Variants in ANO10 observed in about 807,000 individuals in gnomAD.
ANO10 encodes anoctamin 10, also known as anoctamin-10.
ANO10 carries 77 observed loss-of-function variants against 74.7 expected under a neutral mutation model. The ratio of observed to expected loss-of-function variants is 1.03; its 90% CI spans 0.86 to 1.25. ANO10 has a LOEUF of 1.25. Among genes scored for constraint, ANO10 ranks in the 50% most tolerant of loss-of-function variants. The probability of loss-of-function intolerance (pLI) is 0.00; values close to 1 mark genes in which losing one functional copy is unlikely to be tolerated. For missense variants in ANO10, 721 were observed against 778.1 expected (o/e 0.93, Z 0.87); for synonymous variants, 279 against 284.9 (o/e 0.98, Z 0.21).
chr3:43,547,708 G>A (rs775394539), intron 11 of ANO10, among the ~76,000 whole-genome samples: 1 of 152,168 alleles, frequency 6.6e-6, no homozygotes, highest in African/African-American at 2.4e-5. Flanking sequence ...TGTTTAACAC[G>A]AGACTAGCCA....
intron 4 of ANO10, among the ~76,000 whole-genome samples, chr3:43,584,722 C>T (rs1185415799): frequency 6.6e-6 from 1 of 152,178 alleles, no homozygotes; most frequent in Non-Finnish European, 1.5e-5. Flanking sequence ...CATCTAACTG[C>T]TTCGAAATCA....
intron 11 of ANO10, among the ~76,000 whole-genome samples, chr3:43,503,254 C>A (rs949474562): frequency 1.2e-4 from 19 of 152,002 alleles, no homozygotes; most frequent in Admixed American, 1.1e-3. Flanking sequence ...GAAATCAGAA[C>A]AATATGGGCT....
intron 1 of ANO10, among the ~76,000 whole-genome samples, chr3:43,682,404 C>T (rs546809233): frequency 4.0e-4 from 61 of 152,282 alleles, no homozygotes; most frequent in Non-Finnish European, 1.9e-4. Flanking sequence ...TCTGAATAGA[C>T]CAATAATAGG....
chr3:43,507,347 A>G (rs2077333347), intron 11 of ANO10, among the ~76,000 whole-genome samples: 1 of 152,036 alleles, frequency 6.6e-6, no homozygotes, highest in South Asian at 2.1e-4. Context: ...AGAAGTGTTC[A>G]GCGAGGCTCA....
chr3:43,382,297 A>T (rs973929654), intron 12 of ANO10, among the ~76,000 whole-genome samples: 4 of 152,194 alleles, frequency 2.6e-5, no homozygotes, highest in African/African-American at 7.2e-5. Flanking sequence ...AGGCGGGCGG[A>T]TCACGAGGTC....
intron 11 of ANO10, among the ~76,000 whole-genome samples, chr3:43,514,199 T>A (rs559512228): frequency 6.6e-6 from 1 of 152,052 alleles, no homozygotes; most frequent in East Asian, 1.9e-4. Flanking sequence ...GTTGAGCTTG[T>A]CAGATTGGAT....
intron 5 of ANO10, among the ~76,000 whole-genome samples, chr3:43,579,608 A>G (rs1044602078): frequency 6.6e-6 from 1 of 152,174 alleles, no homozygotes; most frequent in African/African-American, 2.4e-5. Context: ...AATCCCAGCT[A>G]CATGGGAGGC....
intron 12 of ANO10, among the ~76,000 whole-genome samples, chr3:43,405,374 C>G (rs1479969717): frequency 6.6e-6 from 1 of 152,250 alleles, no homozygotes; most frequent in Non-Finnish European, 1.5e-5. Context: ...AGAATGGCCA[C>G]TTGGGCCAGA....
chr3:43,669,295 G>C, intron 1 of ANO10, among the ~76,000 whole-genome samples: 1 of 152,154 alleles, frequency 6.6e-6, no homozygotes, highest in Non-Finnish European at 1.5e-5. Flanking sequence ...CCTTTTCCCT[G>C]CTGATGGAGA....
chr3:43,410,879 G>T (rs1265815254), intron 12 of ANO10, among the ~76,000 whole-genome samples: 1 of 151,984 alleles, frequency 6.6e-6, no homozygotes, highest in East Asian at 1.9e-4. Context: ...GTTTTCAGAT[G>T]GAGAATATGA....
intron 1 of ANO10, among the ~76,000 whole-genome samples, chr3:43,640,363 A>AT (rs539974135): frequency 3.3e-4 from 51 of 152,256 alleles, no homozygotes; most frequent in Non-Finnish European, 5.1e-4. Flanking sequence ...TATTGGCTGA[A>AT]TTTTTTTAAA....
At chr3:43,493,286 G>A (rs1310791858) in intron 11 of ANO10, among the ~76,000 whole-genome samples, 1 of 152,156 alleles carries the variant, frequency 6.6e-6, no homozygotes, top group Non-Finnish European at 1.5e-5. Context: ...GGCATGGGGG[G>A]CTAGGGGAGG....
At chr3:43,549,324 A>T (rs2079345418) in intron 11 of ANO10, among the ~76,000 whole-genome samples, 2 of 152,074 alleles carry the variant, frequency 1.3e-5, no homozygotes, top group East Asian at 3.8e-4. Context: ...GGTAATTTTT[A>T]AATTTTTTGT....
chr3:43,537,564 C>T (rs1455497444), intron 11 of ANO10, among the ~76,000 whole-genome samples: 1 of 151,250 alleles, frequency 6.6e-6, no homozygotes, highest in Non-Finnish European at 1.5e-5. Context: ...CTCCATCCAC[C>T]AGAGCAGAAC....
chr3:43,686,664 C>T (rs2084279236), intron 1 of ANO10, among the ~76,000 whole-genome samples: 1 of 152,196 alleles, frequency 6.6e-6, no homozygotes, highest in African/African-American at 2.4e-5. Context: ...CCACGTATGG[C>T]TTCTAAATTT....
intron 11 of ANO10, among the ~76,000 whole-genome samples, chr3:43,546,671 T>C (rs1244664800): frequency 6.7e-6 from 1 of 150,034 alleles, no homozygotes; most frequent in Non-Finnish European, 1.5e-5. Flanking sequence ...CCTCAGTATA[T>C]GGGCTCAATA....
chr3:43,527,621 T>C (rs1046199754), intron 11 of ANO10, among the ~76,000 whole-genome samples: 5 of 152,130 alleles, frequency 3.3e-5, no homozygotes, highest in African/African-American at 7.2e-5. Context: ...AACTAGGAGA[T>C]AAGCAATGGC....
At chr3:43,542,696 G>A (rs961679691) in intron 11 of ANO10, among the ~76,000 whole-genome samples, 1 of 152,156 alleles carries the variant, frequency 6.6e-6, no homozygotes, top group African/African-American at 2.4e-5. Flanking sequence ...ACCAGACTTT[G>A]ACACCCCAAG....
At chr3:43,431,859 TC>T (rs2092987320) in intron 12 of ANO10, among the ~76,000 whole-genome samples, 1 of 152,038 alleles carries the variant, frequency 6.6e-6, no homozygotes, top group South Asian at 2.1e-4. Context: ...GTTCTTTTTT[TC>T]TCCCCACTCC....
Sources: gnomAD v4.1 joint callset for allele counts (sites outside exome capture counted in the v4.1 genomes callset) on GRCh38, gnomAD v4.1.1 for gene constraint, MANE v1.5 for transcripts, NCBI Gene and HGNC (gene_info 2026-07-23, HGNC 2026-07-21) for gene names.